The following CCDC33 variants were observed in gnomAD, a reference collection of about 807,000 sequenced individuals.
The protein encoded by CCDC33 is coiled-coil domain containing 33, also known as coiled-coil domain-containing protein 33.
Under a neutral mutation model 91.9 loss-of-function variants are expected in CCDC33, and 94 were observed. The observed-to-expected ratio is 1.02, with a 90% confidence interval of 0.87 to 1.21. The LOEUF (loss-of-function observed/expected upper bound fraction) is 1.21. Among genes scored for constraint, CCDC33 ranks in the 50% most tolerant of loss-of-function variants. CCDC33 has a pLI of 0.00. For synonymous variants in CCDC33, 396 were observed against 374.5 expected, an observed-to-expected ratio of 1.06 and a Z score of -0.66; for missense variants, 940 against 935.5, an observed-to-expected ratio of 1.00 and a Z score of -0.06.
chr15:74,328,670 A>C (rs993520269), intron 11 of CCDC33, among the ~76,000 whole-genome samples: 5 of 152,226 alleles, frequency 3.3e-5, no homozygotes, highest in Non-Finnish European at 7.3e-5. Context: ...AAGGCTAGAC[A>C]GTGGCAGGTG....
intron 1 of CCDC33, among the ~76,000 whole-genome samples, chr15:74,206,626 A>G (rs1325256263): frequency 6.6e-6 from 1 of 152,226 alleles, no homozygotes; most frequent in African/African-American, 2.4e-5. Context: ...CAGAACTGCC[A>G]AAGCCTGAGG....
intron 1 of CCDC33, among the ~76,000 whole-genome samples, chr15:74,242,454 C>T (rs527885802): frequency 6.6e-6 from 1 of 152,344 alleles, no homozygotes; most frequent in Non-Finnish European, 1.5e-5. Context: ...TCAACCCCAC[C>T]CAACCAGGGC....
intron 2 of CCDC33, among the ~76,000 whole-genome samples, chr15:74,230,974 G>A (rs1252636716): frequency 6.6e-6 from 1 of 152,168 alleles, no homozygotes; most frequent in African/African-American, 2.4e-5. Context: ...ATTTGGTGGT[G>A]ACCAGAGCCC....
intron 2 of CCDC33, among the ~76,000 whole-genome samples, chr15:74,222,154 C>T (rs1000245502): frequency 3.3e-5 from 5 of 152,190 alleles, no homozygotes; most frequent in Non-Finnish European, 4.4e-5. Flanking sequence ...TGGGGCTGGG[C>T]TCTCAGAGGC....
At chr15:74,265,521 T>A (rs966411594) in intron 3 of CCDC33, among the ~76,000 whole-genome samples, 1 of 152,220 alleles carries the variant, frequency 6.6e-6, no homozygotes, top group East Asian at 1.9e-4. Flanking sequence ...ATGTGTTATG[T>A]TGATCAAGTT....
Position 74,336,126 on chromosome 15 carries a change from T to C in CCDC33, c.*73T>C. 4 of 1,580,622 alleles carry C rather than the reference T, an allele frequency of 2.5e-6. No individual in the cohort carries two copies. Among genetic ancestry groups the C allele is most frequent in the Non-Finnish European group, 3.4e-6 (4 of 1,165,218 alleles). ...GCCCCCTAAAAATGACGTTATTAAATGTTGTAGCTCTGTGAGCATTTTCCT... is the reference window on the plus strand; with the variant it reads ...GCCCCCTAAAAATGACGTTATTAAACGTTGTAGCTCTGTGAGCATTTTCCT... On this transcript the variant is annotated 3_prime_UTR_variant, in exon 19 of 19. Transcript: ENST00000398814.
At chr15:74,281,961 T>C (rs894785477) in intron 10 of CCDC33, 112 bp downstream of exon 10, 14 of 859,912 alleles carry the variant, frequency 1.6e-5, no homozygotes, top group Admixed American at 4.3e-5. Flanking sequence ...ATGGGACTAC[T>C]ACTTTGGATA....
intron 5 of CCDC33, among the ~76,000 whole-genome samples, chr15:74,270,936 C>G (rs967868958): frequency 2.0e-5 from 3 of 152,156 alleles, no homozygotes; most frequent in South Asian, 2.1e-4. Context: ...GGCAGGGAAG[C>G]CTTTAGGGGG....
At chr15:74,307,370 C>T (rs148036206) in intron 11 of CCDC33, among the ~76,000 whole-genome samples, 1 of 152,314 alleles carries the variant, frequency 6.6e-6, no homozygotes, top group East Asian at 1.9e-4. Flanking sequence ...GTCACAATCT[C>T]ATGTAATCCT....
In CCDC33 at chr15:74,276,129, A is replaced by C. The variant is rs187254552; in HGVS notation, c.759+3238A>C. 4.1e-3 allele frequency among the ~76,000 whole-genome samples: 630 copies of C among 152,292 alleles called. 1 individual carries two copies. The highest frequency in any genetic ancestry group is 0.015 in the African/African-American group (610 of 41,560). On this transcript the variant is annotated intron_variant, in intron 7 of 18. Transcript: ENST00000398814. Reference sequence around the variant, plus strand: ...AGGGGTGTGGCTCTGCCTTGCTGGTATAAATGTGGAAGGTTATGGAGGCGG... The same window carrying C: ...AGGGGTGTGGCTCTGCCTTGCTGGTCTAAATGTGGAAGGTTATGGAGGCGG...
intron 11 of CCDC33, among the ~76,000 whole-genome samples, chr15:74,310,828 G>A (rs1448737888): frequency 6.6e-6 from 1 of 152,230 alleles, no homozygotes; most frequent in Non-Finnish European, 1.5e-5. Flanking sequence ...AAGAGGCTGG[G>A]TGACAGGCAG....
intron 2 of CCDC33, among the ~76,000 whole-genome samples, chr15:74,245,680 G>A (rs960572496): frequency 1.3e-5 from 2 of 152,024 alleles, no homozygotes; most frequent in Non-Finnish European, 2.9e-5. Context: ...ACGAGCCTGG[G>A]TGGGGGTTCG....
chr15:74,257,598 A>G (rs911814464), intron 2 of CCDC33, among the ~76,000 whole-genome samples: 2 of 152,288 alleles, frequency 1.3e-5, no homozygotes, highest in African/African-American at 2.4e-5. Flanking sequence ...GGGGAGAACC[A>G]CAGCCTCCCT....
intron 1 of CCDC33, 132 bp from the exon 2 acceptor site, chr15:74,243,853 G>A (rs2075425962): frequency 1.8e-5 from 17 of 958,440 alleles, no homozygotes; most frequent in Middle Eastern, 3.2e-4. Context: ...GCTGAGGCAG[G>A]AGAATTGCTT....
chr15:74,269,279 A>G (rs140429184), intron 5 of CCDC33, among the ~76,000 whole-genome samples: 6 of 151,082 alleles, frequency 4.0e-5, no homozygotes, highest in Non-Finnish European at 7.4e-5. Context: ...CACCTACCCA[A>G]ACATGGCTGA....
intron 2 of CCDC33, among the ~76,000 whole-genome samples, chr15:74,245,002 G>A (rs1595929632): frequency 1.3e-5 from 2 of 152,180 alleles, no homozygotes; most frequent in South Asian, 4.2e-4. Context: ...GGGAGTGCCT[G>A]CCCCAGCCCA....
At chr15:74,287,522 A>T (rs1219664443) in intron 10 of CCDC33, among the ~76,000 whole-genome samples, 1 of 152,130 alleles carries the variant, frequency 6.6e-6, no homozygotes, top group Non-Finnish European at 1.5e-5. Flanking sequence ...GAAAACTTAG[A>T]GCTGGGCGTG....
intron 1 of CCDC33, chr15:74,207,601 A>G (rs2074288331): frequency 1.7e-6 from 2 of 1,195,584 alleles, no homozygotes; most frequent in Admixed American, 2.0e-5. Flanking sequence ...ATAGTTTACA[A>G]TACTCAAACC....
intron 1 of CCDC33, among the ~76,000 whole-genome samples, chr15:74,241,321 C>T (rs1336130972): frequency 1.3e-5 from 2 of 152,238 alleles, no homozygotes; most frequent in Non-Finnish European, 2.9e-5. Flanking sequence ...GCAAGGACCA[C>T]AGCCTGCACC....
Sources: allele counts gnomAD v4.1 joint callset (sites outside exome capture counted in the v4.1 genomes callset), GRCh38; gene constraint gnomAD v4.1.1; transcripts MANE v1.5; gene names NCBI Gene and HGNC (gene_info 2026-07-23, HGNC 2026-07-21).